Variants in SMOC2 observed in about 807,000 individuals in gnomAD.
SMOC2 encodes the protein SPARC related modular calcium binding 2, also known as SPARC-related modular calcium-binding protein 2.
SMOC2 carries 39 observed loss-of-function variants against 61.4 expected under a neutral mutation model. The observed-to-expected ratio is 0.64, with a 90% CI of 0.49 to 0.83. SMOC2 has a LOEUF of 0.83. Among genes scored for constraint, SMOC2 ranks in the 40% least tolerant of loss-of-function variants. The probability of loss-of-function intolerance (pLI) is 0.00; values close to 1 mark genes in which losing one functional copy is unlikely to be tolerated. For missense variants in SMOC2, 556 were observed against 592.9 expected (o/e 0.94, Z 0.65); for synonymous variants, 247 against 239.9 (o/e 1.03, Z -0.27).
At chr6:168,664,195 G>A (rs1437098736) in intron 12 of SMOC2, 84 bp downstream of exon 12, 1 of 1,075,364 alleles carries the variant, frequency 9.3e-7, no homozygotes. Flanking sequence ...GATTTGCAAT[G>A]GCCAGTACCT....
intron 12 of SMOC2, chr6:168,664,988 A>G (rs911894549): frequency 4.9e-5 from 16 of 329,594 alleles, no homozygotes; most frequent in Admixed American, 1.3e-4. Context: ...CACACCTTGG[A>G]TGTAATTTAA....
intron 1 of SMOC2, among the ~76,000 whole-genome samples, chr6:168,477,183 T>G (rs879650611): frequency 1.3e-5 from 2 of 152,196 alleles, no homozygotes; most frequent in Non-Finnish European, 2.9e-5. Context: ...GAACAGCCTT[T>G]CCTGTGGACA....
chr6:168,662,579 C>T (rs1170515800), intron 11 of SMOC2, among the ~76,000 whole-genome samples: 2 of 152,234 alleles, frequency 1.3e-5, no homozygotes, highest in Admixed American at 6.5e-5. Context: ...AGCCCAGAAG[C>T]CTCTGGCTGC....
intron 1 of SMOC2, among the ~76,000 whole-genome samples, chr6:168,470,844 G>C (rs983270019): frequency 2.0e-5 from 3 of 152,038 alleles, no homozygotes; most frequent in African/African-American, 7.2e-5. Flanking sequence ...AGTCATATTT[G>C]ACACATCCAA....
chr6:168,609,979 G>A (rs769659613), intron 9 of SMOC2, among the ~76,000 whole-genome samples: 44 of 152,274 alleles, frequency 2.9e-4, no homozygotes, highest in Non-Finnish European at 3.4e-4. Flanking sequence ...AGGAGTGCAC[G>A]TGGCAGGAAG....
intron 9 of SMOC2, among the ~76,000 whole-genome samples, chr6:168,617,622 C>T (rs1039645792): frequency 3.3e-5 from 5 of 152,314 alleles, no homozygotes; most frequent in African/African-American, 9.6e-5. Context: ...CGCTGGCTGC[C>T]CCACTGCTTC....
intron 11 of SMOC2, chr6:168,655,568 A>G (rs1787300379): frequency 2.7e-6 from 1 of 376,666 alleles, no homozygotes; most frequent in Non-Finnish European, 5.4e-6. Context: ...ATCCTACTGC[A>G]TGTGTGTACT....
chr6:168,619,603 C>T (rs1200303385), intron 9 of SMOC2, among the ~76,000 whole-genome samples: 1 of 152,170 alleles, frequency 6.6e-6, no homozygotes, highest in Non-Finnish European at 1.5e-5. Flanking sequence ...TTAGACTTCC[C>T]TCCTATCTTT....
chr6:168,595,220 C>T (rs1232145222), intron 7 of SMOC2, among the ~76,000 whole-genome samples: 3 of 124,366 alleles, frequency 2.4e-5, no homozygotes, highest in African/African-American at 6.1e-5. Flanking sequence ...AGAGGATCTC[C>T]GAGCTCCTCC....
At chr6:168,579,895 G>C (rs1201667583) in intron 7 of SMOC2, among the ~76,000 whole-genome samples, 2 of 152,196 alleles carry the variant, frequency 1.3e-5, no homozygotes, top group African/African-American at 2.4e-5. Flanking sequence ...GCTTATGTTG[G>C]TGTGGTTGTC....
chr6:168,558,308 C>T (rs1321554807), intron 7 of SMOC2, among the ~76,000 whole-genome samples: 1 of 152,174 alleles, frequency 6.6e-6, no homozygotes, highest in African/African-American at 2.4e-5. Context: ...CGTGAAGGTG[C>T]ATTAGGACAC....
chr6:168,505,879 C>T (rs1242128521), intron 1 of SMOC2, among the ~76,000 whole-genome samples: 1 of 152,198 alleles, frequency 6.6e-6, no homozygotes, highest in Non-Finnish European at 1.5e-5. Context: ...ACGCACTGGG[C>T]CTCATTGCCA....
intron 5 of SMOC2, among the ~76,000 whole-genome samples, chr6:168,546,428 G>A (rs2115102934): frequency 6.6e-6 from 1 of 152,236 alleles, no homozygotes; most frequent in South Asian, 2.1e-4. Context: ...GGCCCAATGT[G>A]TGTGTGTCAA....
At chr6:168,606,274 A>G (rs913952475) in intron 8 of SMOC2, among the ~76,000 whole-genome samples, 12 of 152,114 alleles carry the variant, frequency 7.9e-5, no homozygotes, top group African/African-American at 2.9e-4. Flanking sequence ...CCCCACCCCC[A>G]CATTTTCAAA....
At chr6:168,591,028 T>TA (rs1279274286) in intron 7 of SMOC2, among the ~76,000 whole-genome samples, 1 of 152,228 alleles carries the variant, frequency 6.6e-6, no homozygotes, top group East Asian at 1.9e-4. Context: ...CTATAAAACT[T>TA]AAAGTTTATA....
chr6:168,457,612 A>T (rs1212148306), intron 1 of SMOC2, among the ~76,000 whole-genome samples: 1 of 152,118 alleles, frequency 6.6e-6, no homozygotes, highest in Admixed American at 6.5e-5. Context: ...CGTGCTTGTG[A>T]TCACTGCCGG....
intron 2 of SMOC2, among the ~76,000 whole-genome samples, chr6:168,510,957 G>C (rs182692604): frequency 2.0e-4 from 30 of 152,264 alleles, no homozygotes; most frequent in African/African-American, 7.2e-4. Flanking sequence ...AGGATGTTTT[G>C]CTCCATGACA....
chr6:168,607,581 AGTC>A (rs2115201762), intron 8 of SMOC2, among the ~76,000 whole-genome samples: 1 of 120,948 alleles, frequency 8.3e-6, no homozygotes, highest in Non-Finnish European at 1.8e-5. Context: ...GGGACCAGAG[AGTC>A]GTTTTTTTTT....
chr6:168,505,926 T>C (rs1239820814), intron 1 of SMOC2, among the ~76,000 whole-genome samples: 3 of 152,250 alleles, frequency 2.0e-5, no homozygotes, highest in Non-Finnish European at 4.4e-5. Flanking sequence ...CATTTCTTCC[T>C]GTGTGCACCT....
Sources: gnomAD v4.1 joint callset for allele counts (sites outside exome capture counted in the v4.1 genomes callset) on GRCh38, gnomAD v4.1.1 for gene constraint, MANE v1.5 for transcripts, NCBI Gene and HGNC (gene_info 2026-07-23, HGNC 2026-07-21) for gene names.